ACAD11: variants seen among roughly 807,000 people sequenced by gnomAD.
ACAD11 encodes acyl-CoA dehydrogenase family member 11, also known as acyl-Coenzyme A dehydrogenase family, member 11.
A neutral mutation model predicts 102.2 loss-of-function variants in ACAD11; 83 were observed. That is an observed-to-expected ratio of 0.81 (90% CI 0.68 to 0.97). The LOEUF is 0.97. Among genes scored for constraint, ACAD11 ranks in the 50% least tolerant of loss-of-function variants. The pLI is 0.00. For synonymous variants in ACAD11, 324 were observed against 319.8 expected, an observed-to-expected ratio of 1.01 and a Z score of -0.14; for missense variants, 901 against 951.7, an observed-to-expected ratio of 0.95 and a Z score of 0.70.
At chr3:132,624,045 G>A (rs183202478) in intron 9 of ACAD11, among the ~76,000 whole-genome samples, 1 of 150,170 alleles carries the variant, frequency 6.7e-6, no homozygotes, top group East Asian at 2.0e-4. Context: ...TCAGGTGCAG[G>A]TGCTCACACC....
intron 15 of ACAD11, among the ~76,000 whole-genome samples, chr3:132,577,843 A>G (rs1937544585): frequency 2.0e-5 from 3 of 152,154 alleles, no homozygotes. Context: ...CAGCTCAACT[A>G]TATTATAAAC....
Position 132,579,475 on chromosome 3 carries a change from C to A in ACAD11, c.1688+17G>T, listed in dbSNP as rs1937568054. The A allele has an allele frequency of 6.2e-7, 1 of 1,604,856 alleles. No homozygotes were observed. The highest frequency in any genetic ancestry group is 1.1e-5 in the South Asian group (1 of 90,412). ...CTCATTCCTACACAGGTTTCTCAAT[C>A]AGAATTGTTTAATTACCTGGAGAGA... On this transcript the variant is annotated intron_variant, in intron 14 of 19. Coordinates refer to ENST00000264990, the MANE Select transcript of ACAD11 (RefSeq NM_032169.5).
intron 13 of ACAD11, among the ~76,000 whole-genome samples, chr3:132,590,763 T>C (rs1938041313): frequency 6.6e-6 from 1 of 152,256 alleles, no homozygotes; most frequent in South Asian, 2.1e-4. Context: ...TGATCAGTGA[T>C]ATTGAGGTTT....
In ACAD11 at chr3:132,561,112, C is replaced by T. The variant is rs200870113; in HGVS notation, c.2107G>A (p.Ala703Thr). 128 of 1,612,618 alleles carry T rather than the reference C, an allele frequency of 7.9e-5. 2 individuals are homozygous for T. Among genetic ancestry groups the T allele is most frequent in the South Asian group, 2.6e-4 (24 of 91,054 alleles). Residue 703 changes from alanine to threonine, a missense_variant, in exon 18 of 20, where the codon GCT (alanine) becomes ACT (threonine). Coordinates refer to ENST00000264990, the MANE Select transcript of ACAD11 (RefSeq NM_032169.5). ...GAAGGTAGCCTCACCTCTTTCTTAGCGCCAGCACTGCCCAGAGTGTCCATG... is the reference window on the plus strand; with the variant it reads ...GAAGGTAGCCTCACCTCTTTCTTAGTGCCAGCACTGCCCAGAGTGTCCATG... Reference protein sequence around the residue: ...HSMDTLGSAGAKKEIAMIKVA... With the variant: ...HSMDTLGSAGTKKEIAMIKVA...
intron 7 of ACAD11, among the ~76,000 whole-genome samples, chr3:132,630,009 T>C (rs962132810): frequency 2.6e-5 from 4 of 152,108 alleles, no homozygotes; most frequent in Non-Finnish European, 4.4e-5. Context: ...GGTTACTGTA[T>C]ACTAGATACT....
chr3:132,588,159 T>C (rs999630170), intron 13 of ACAD11, among the ~76,000 whole-genome samples: 3 of 152,124 alleles, frequency 2.0e-5, no homozygotes, highest in Admixed American at 1.3e-4. Context: ...TCAGCTTGCC[T>C]TTGTTCACTT....
In ACAD11 at chr3:132,563,608, C is replaced by T. The variant is rs541620229; in HGVS notation, c.2002-2391G>A. Among the ~76,000 whole-genome samples the T allele has an allele frequency of 6.3e-4, 96 of 152,260 alleles. 2 individuals are homozygous for T. Among genetic ancestry groups the T allele is most frequent in the South Asian group, 2.9e-3 (14 of 4,826 alleles). On this transcript the variant is annotated intron_variant, in intron 17 of 19. Coordinates refer to ENST00000264990, the MANE Select transcript of ACAD11 (RefSeq NM_032169.5). Reference sequence around the variant, plus strand: ...CTTGTATATAAAAATAAAATTGTTACGTACTGACCTTGTATCCTGTGACTT... The same window carrying T: ...CTTGTATATAAAAATAAAATTGTTATGTACTGACCTTGTATCCTGTGACTT...
intron 4 of ACAD11, 38 bp downstream of exon 4, chr3:132,641,934 G>T (rs1576616789): frequency 1.9e-6 from 3 of 1,538,722 alleles, no homozygotes; most frequent in East Asian, 2.3e-5. Context: ...TTATTTACAA[G>T]AACTTGAAAA....
chr3:132,643,636 G>T (rs1276841098), intron 2 of ACAD11, among the ~76,000 whole-genome samples: 1 of 152,000 alleles, frequency 6.6e-6, no homozygotes, highest in Non-Finnish European at 1.5e-5. Context: ...ACTGGAAGAG[G>T]AAAGTAACGA....
intron 11 of ACAD11, among the ~76,000 whole-genome samples, chr3:132,610,003 C>T (rs1418767943): frequency 2.0e-5 from 3 of 152,138 alleles, no homozygotes; most frequent in Non-Finnish European, 4.4e-5. Context: ...TAATCCATCA[C>T]ATAAACAGAA....
intron 17 of ACAD11, among the ~76,000 whole-genome samples, chr3:132,574,229 T>A (rs1199914614): frequency 6.6e-6 from 1 of 152,180 alleles, no homozygotes; most frequent in East Asian, 1.9e-4. Flanking sequence ...AGAGTTTGCA[T>A]GCAAGCTTGA....
At chr3:132,642,212 G>A (rs1940553727) in intron 3 of ACAD11, 79 bp from the exon 4 acceptor site, 1 of 1,325,548 alleles carries the variant, frequency 7.5e-7, no homozygotes, top group Non-Finnish European at 1.0e-6. Flanking sequence ...ACATTCATTT[G>A]TGAAACATAT....
intron 10 of ACAD11, 25 bp from the exon 11 acceptor site, chr3:132,618,797 A>C (rs779707828): frequency 2.0e-6 from 3 of 1,526,986 alleles, no homozygotes; most frequent in Admixed American, 4.6e-5. Flanking sequence ...AACATGCCAG[A>C]GTGACCATAA....
intron 13 of ACAD11, among the ~76,000 whole-genome samples, chr3:132,585,648 A>C (rs577042559): frequency 6.6e-6 from 1 of 152,348 alleles, no homozygotes; most frequent in African/African-American, 2.4e-5. Context: ...TTACAAGAAA[A>C]AAACAAACAA....
intron 11 of ACAD11, among the ~76,000 whole-genome samples, chr3:132,610,982 CT>C (rs1009173783): frequency 6.6e-6 from 1 of 152,084 alleles, no homozygotes; most frequent in African/African-American, 2.4e-5. Context: ...CAATAAAATA[CT>C]GGCAAACGGA....
chr3:132,618,885 G>A lies in ACAD11; in HGVS notation c.1276-113C>T, dbSNP rs543601151. ...ATCTTTGAAATTTAAAAACACTTAT[G>A]GAGTTATTTATTTTACTGTATTCTC... On this transcript the variant is annotated intron_variant, in intron 10 of 19. Transcript: ENST00000264990. 2.1e-5 allele frequency: 23 copies of A among 1,079,486 alleles called. No homozygotes were observed. The South Asian group carries it at 6.4e-4, about 30-fold the overall frequency. 66.9% of individuals were successfully genotyped at this position (1,079,486 alleles called of 1,614,324 possible).
At chr3:132,567,109 G>C (rs1937235525) in intron 17 of ACAD11, among the ~76,000 whole-genome samples, 1 of 152,112 alleles carries the variant, frequency 6.6e-6, no homozygotes, top group African/African-American at 2.4e-5. Flanking sequence ...CTCCCGAATA[G>C]CTGGGGTTAC....
rs375642302 is a variant in ACAD11, at chr3:132,561,293, T to C, written c.2002-76A>G. 1.6e-5 allele frequency: 17 copies of C among 1,096,150 alleles called. No homozygotes were observed. In the East Asian group the frequency reaches 3.8e-4, roughly 24 times the overall value. The allele number at this position is 1,096,150 out of a possible 1,614,324, so 67.9% of individuals were successfully genotyped here. A position where few individuals can be genotyped will look rare whatever the true frequency, so the allele number is the denominator to read the frequency against. ...GATGTCCACGTGTAACACAGTCTTA[T>C]AGTTTGGTGAAAACACTCTCTAAGC... On this transcript the variant is annotated intron_variant, in intron 17 of 19. Transcript: ENST00000264990.
intron 9 of ACAD11, among the ~76,000 whole-genome samples, chr3:132,624,201 G>A (rs1303242877): frequency 6.6e-6 from 1 of 151,798 alleles, no homozygotes; most frequent in Non-Finnish European, 1.5e-5. Context: ...AGCTACTCAG[G>A]AGGCTGAGTT....
Sources: allele counts gnomAD v4.1 joint callset (sites outside exome capture counted in the v4.1 genomes callset), GRCh38; gene constraint gnomAD v4.1.1; transcripts MANE v1.5; gene names NCBI Gene and HGNC (gene_info 2026-07-23, HGNC 2026-07-21).